Variants in DLG2 observed in about 807,000 individuals in gnomAD.
The protein encoded by DLG2 is discs large MAGUK scaffold protein 2.
DLG2 carries 45 observed loss-of-function variants against 132.5 expected under a neutral mutation model. That is an observed-to-expected ratio of 0.34 (90% CI 0.27 to 0.44). The LOEUF is 0.44. DLG2 is among the 20% of genes least tolerant of loss of function. The probability of loss-of-function intolerance (pLI) is 1.00; values close to 1 mark genes in which losing one functional copy is unlikely to be tolerated. For synonymous variants in DLG2, 424 were observed against 419.6 expected (o/e 1.01, Z -0.13); for missense variants, 1,045 against 1,196.9 (o/e 0.87, Z 1.87).
chr11:84,877,978 G>A (rs777041457), intron 6 of DLG2, among the ~76,000 whole-genome samples: 2 of 152,258 alleles, frequency 1.3e-5, no homozygotes, highest in East Asian at 1.9e-4. Flanking sequence ...GTCATCACTG[G>A]TCATTAGAGA....
intron 6 of DLG2, among the ~76,000 whole-genome samples, chr11:84,819,973 T>A (rs376220929): frequency 6.6e-6 from 1 of 150,870 alleles, no homozygotes; most frequent in African/African-American, 2.4e-5. Flanking sequence ...TACAAAGAGG[T>A]AGGATTTCCA....
chr11:83,697,356 G>C (rs960444395), intron 18 of DLG2, among the ~76,000 whole-genome samples: 1 of 152,204 alleles, frequency 6.6e-6, no homozygotes, highest in Admixed American at 6.5e-5. Flanking sequence ...TTTTATGTAA[G>C]AAGTCATGAG....
rs143218930 is a variant in DLG2, at chr11:84,311,564, T to C, written c.520-60273A>G. On this transcript the variant is annotated intron_variant, in intron 7 of 27. Transcript: ENST00000376104. ...TTCCCAATAATTAATAAGTGTCAGT[T>C]GACACAGTCACATACTATTAGTACT... Among the ~76,000 whole-genome samples, 164 of 152,360 alleles carry C rather than the reference T, an allele frequency of 1.1e-3. 1 individual carries two copies. Among genetic ancestry groups the C allele is most frequent in the Middle Eastern group, 0.01 (3 of 294 alleles).
chr11:84,878,940 G>C (rs1228429372), intron 6 of DLG2, among the ~76,000 whole-genome samples: 1 of 152,170 alleles, frequency 6.6e-6, no homozygotes, highest in East Asian at 1.9e-4. Flanking sequence ...TTTGTCTAGA[G>C]ACTGGAAGCA....
intron 5 of DLG2, among the ~76,000 whole-genome samples, chr11:85,146,328 T>C (rs1037872207): frequency 1.3e-5 from 2 of 151,556 alleles, no homozygotes; most frequent in African/African-American, 4.8e-5. Context: ...CAGCCAGGAC[T>C]GTGCTGGATA....
chr11:85,516,539 G>A (rs949018314), intron 3 of DLG2, among the ~76,000 whole-genome samples: 1 of 151,980 alleles, frequency 6.6e-6, no homozygotes, highest in African/African-American at 2.4e-5. Flanking sequence ...TAGAACACTA[G>A]CTAGATTGAC....
intron 3 of DLG2, among the ~76,000 whole-genome samples, chr11:85,307,418 T>G (rs910815986): frequency 2.0e-5 from 3 of 152,132 alleles, no homozygotes; most frequent in Non-Finnish European, 2.9e-5. Context: ...ATTCTAAGCA[T>G]GTGAAAAAAA....
At chr11:85,179,786 A>G (rs1432118814) in intron 4 of DLG2, among the ~76,000 whole-genome samples, 1 of 151,918 alleles carries the variant, frequency 6.6e-6, no homozygotes, top group Non-Finnish European at 1.5e-5. Context: ...GATAGGTAGC[A>G]AACTGAACAA....
rs951988445 is a variant in DLG2, at chr11:85,271,249, T to A, written c.186+13971A>T. Among the ~76,000 whole-genome samples the A allele has an allele frequency of 2.6e-5, 4 of 152,342 alleles. No individual in the cohort carries two copies. In the South Asian group the frequency reaches 8.3e-4, roughly 32 times the overall value. On this transcript the variant is annotated intron_variant, in intron 4 of 27. Coordinates refer to ENST00000376104, the MANE Select transcript of DLG2 (RefSeq NM_001142699.3). Reference sequence around the variant, plus strand: ...GCCCCAAGCCTTGGCTGCTTTCATGTGGCATTGAGCCTATGGGTACACAGA... The same window carrying A: ...GCCCCAAGCCTTGGCTGCTTTCATGAGGCATTGAGCCTATGGGTACACAGA...
chr11:84,594,910 C>T lies in DLG2; in HGVS notation c.358-60179G>A, dbSNP rs550663429. Among the ~76,000 whole-genome samples the T allele has an allele frequency of 4.6e-5, 7 of 152,262 alleles. No homozygotes were observed. In the East Asian group the frequency reaches 1.2e-3, roughly 25 times the overall value. On this transcript the variant is annotated intron_variant, in intron 6 of 27. Transcript: ENST00000376104. ...CTGGTTTAAAGCAAACCTCCTACCT[C>T]AGGATTTGGGCACCTTTCCAAAATA...
chr11:84,702,179 A>G (rs544489029), intron 6 of DLG2, among the ~76,000 whole-genome samples: 12 of 151,458 alleles, frequency 7.9e-5, no homozygotes, highest in Non-Finnish European at 1.5e-4. Context: ...GTGGTACTAA[A>G]CCTCTTGGTC....
intron 6 of DLG2, among the ~76,000 whole-genome samples, chr11:85,059,947 TAAAATA>T (rs1458519824): frequency 6.6e-6 from 1 of 151,676 alleles, no homozygotes; most frequent in Admixed American, 6.6e-5. Context: ...TTAATTGTAG[TAAAATA>T]AAAATAACAT....
At chr11:84,781,727 G>A (rs144477702) in intron 6 of DLG2, among the ~76,000 whole-genome samples, 35 of 152,234 alleles carry the variant, frequency 2.3e-4, no homozygotes, top group African/African-American at 7.9e-4. Context: ...GAATATTCAT[G>A]TTTAGAGTGG....
At chr11:83,941,244 C>T (rs1012369163) in intron 14 of DLG2, among the ~76,000 whole-genome samples, 3 of 149,476 alleles carry the variant, frequency 2.0e-5, no homozygotes, top group Non-Finnish European at 4.5e-5. Flanking sequence ...TGGCAATCTG[C>T]CAGCCCCATC....
At chr11:85,097,049 A>G (rs2069951424) in intron 6 of DLG2, among the ~76,000 whole-genome samples, 1 of 152,138 alleles carries the variant, frequency 6.6e-6, no homozygotes, top group African/African-American at 2.4e-5. Flanking sequence ...CATGTGGCCC[A>G]AACAAGACTC....
chr11:84,875,150 A>C (rs2086143178), intron 6 of DLG2, among the ~76,000 whole-genome samples: 1 of 152,096 alleles, frequency 6.6e-6, no homozygotes, highest in Admixed American at 6.6e-5. Flanking sequence ...AATTCGTGAT[A>C]TTAAGAATGA....
At chr11:84,457,117 C>T (rs1279537628) in intron 7 of DLG2, among the ~76,000 whole-genome samples, 1 of 151,072 alleles carries the variant, frequency 6.6e-6, no homozygotes, top group African/African-American at 2.4e-5. Flanking sequence ...GGTACAAAAA[C>T]CATATGTGAC....
At chr11:83,966,031 T>G (rs184138364) in intron 12 of DLG2, among the ~76,000 whole-genome samples, 278 of 152,144 alleles carry the variant, frequency 1.8e-3, no homozygotes, top group Admixed American at 3.3e-3. Context: ...TAGCGCATGT[T>G]TAGTTTGCTT....
intron 7 of DLG2, among the ~76,000 whole-genome samples, chr11:84,363,215 T>G (rs1475158631): frequency 9.2e-5 from 14 of 152,004 alleles, no homozygotes; most frequent in Non-Finnish European, 2.1e-4. Flanking sequence ...ACTGGTGTGA[T>G]ATGATATCTC....
Sources: gnomAD v4.1 joint callset for allele counts (sites outside exome capture counted in the v4.1 genomes callset) on GRCh38, gnomAD v4.1.1 for gene constraint, MANE v1.5 for transcripts, NCBI Gene and HGNC (gene_info 2026-07-23, HGNC 2026-07-21) for gene names.